Variants in TMEM217B observed in about 807,000 individuals in gnomAD.
The protein encoded by TMEM217B is transmembrane protein 217B.
the TMEM217B span, among the ~76,000 whole-genome samples, chr6:37,235,079 T>C: frequency 6.6e-6 from 1 of 152,124 alleles, no homozygotes; most frequent in Non-Finnish European, 1.5e-5. Flanking sequence ...AAGCTGGCAA[T>C]GTGGAAGGAC....
At chr6:37,224,437 A>G in the TMEM217B span, among the ~76,000 whole-genome samples, 1 of 151,280 alleles carries the variant, frequency 6.6e-6, no homozygotes, top group Non-Finnish European at 1.5e-5. Flanking sequence ...TCTCTACTAA[A>G]AATACAAAAA....
At chr6:37,242,008 A>ATTTT in the TMEM217B span, among the ~76,000 whole-genome samples, 1 of 130,034 alleles carries the variant, frequency 7.7e-6, no homozygotes, top group Non-Finnish European at 1.7e-5. Flanking sequence ...TTCGATCTCA[A>ATTTT]TTTTTTTTTT....
chr6:37,258,115 G>C, the TMEM217B span: 2 of 940,092 alleles, frequency 2.1e-6, no homozygotes, highest in Non-Finnish European at 3.1e-6. Flanking sequence ...CGGCAGGGCA[G>C]CTGTCAGGCA....
the TMEM217B span, among the ~76,000 whole-genome samples, chr6:37,241,800 T>G: frequency 1.3e-5 from 2 of 152,214 alleles, no homozygotes; most frequent in Non-Finnish European, 2.9e-5. Flanking sequence ...TATTTAAAAC[T>G]CCATTAACTT....
At chr6:37,217,494 A>G in the TMEM217B span, 1 of 378,258 alleles carries the variant, frequency 2.6e-6, no homozygotes, top group African/African-American at 2.2e-5. Context: ...TATATACACA[A>G]TGTTCAGTAC....
the TMEM217B span, among the ~76,000 whole-genome samples, chr6:37,247,904 T>C: frequency 6.6e-6 from 1 of 152,274 alleles, no homozygotes; most frequent in East Asian, 1.9e-4. Flanking sequence ...TTTTCCATAG[T>C]TCTCGGGAGA....
At chr6:37,213,971 T>C in the TMEM217B span, among the ~76,000 whole-genome samples, 4 of 152,298 alleles carry the variant, frequency 2.6e-5, no homozygotes, top group African/African-American at 9.6e-5. Context: ...GGGGGACAAC[T>C]TGTTGGAAGC....
the TMEM217B span, chr6:37,218,238 C>T: frequency 1.1e-5 from 15 of 1,325,230 alleles, no homozygotes; most frequent in Admixed American, 3.3e-5. Context: ...GGCGCAATCT[C>T]GGCTCACTGC....
chr6:37,253,073 C>G, the TMEM217B span, among the ~76,000 whole-genome samples: 2 of 152,066 alleles, frequency 1.3e-5, no homozygotes, highest in African/African-American at 4.8e-5. Context: ...TTGACAAAAC[C>G]CATATATTCT....
the TMEM217B span, among the ~76,000 whole-genome samples, chr6:37,242,918 A>G: frequency 1.3e-5 from 2 of 152,224 alleles, no homozygotes; most frequent in Admixed American, 1.3e-4. Flanking sequence ...GAAGTAAAAC[A>G]TTTCCCAGAA....
the TMEM217B span, among the ~76,000 whole-genome samples, chr6:37,229,008 A>C: frequency 6.6e-6 from 1 of 151,902 alleles, no homozygotes; most frequent in South Asian, 2.1e-4. Flanking sequence ...AAAAAAAAAC[A>C]AAAAACAAAA....
At chr6:37,217,645 A>C in the TMEM217B span, 1 of 985,322 alleles carries the variant, frequency 1.0e-6, no homozygotes, top group Non-Finnish European at 1.2e-6. Context: ...TGAAGGATGA[A>C]TTTTCTCTAT....
At chr6:37,224,291 A>T in the TMEM217B span, among the ~76,000 whole-genome samples, 1 of 151,396 alleles carries the variant, frequency 6.6e-6, no homozygotes, top group African/African-American at 2.4e-5. Flanking sequence ...TACCACATGC[A>T]GCTCATTAAA....
the TMEM217B span, chr6:37,212,482 CA>C: frequency 4.4e-6 from 2 of 455,356 alleles, no homozygotes; most frequent in East Asian, 6.9e-5. Flanking sequence ...AATGGTGGAG[CA>C]GAGCCTGTGG....
chr6:37,257,795 A>G, the TMEM217B span: 1 of 1,055,386 alleles, frequency 9.5e-7, no homozygotes, highest in Non-Finnish European at 1.4e-6. Flanking sequence ...CGTCCCCAGG[A>G]GCTGGGAGCG....
chr6:37,237,463 G>A, the TMEM217B span, among the ~76,000 whole-genome samples: 11 of 152,256 alleles, frequency 7.2e-5, no homozygotes, highest in East Asian at 1.3e-3. Context: ...AAGGCAAGTC[G>A]TTTGCAAGAA....
At chr6:37,212,574 C>A in the TMEM217B span, 1 of 467,556 alleles carries the variant, frequency 2.1e-6, no homozygotes, top group South Asian at 1.5e-5. Flanking sequence ...AGAAAAAGTG[C>A]AGGAGCATGT....
chr6:37,227,108 A>C, the TMEM217B span, among the ~76,000 whole-genome samples: 1 of 152,172 alleles, frequency 6.6e-6, no homozygotes, highest in Non-Finnish European at 1.5e-5. Flanking sequence ...AAACTGACTC[A>C]CTTGTCTTCA....
At chr6:37,243,941 C>T in the TMEM217B span, among the ~76,000 whole-genome samples, 125,272 of 152,118 alleles carry the variant, frequency 0.82, 52,222 homozygotes, top group South Asian at 0.91. Context: ...GTCAGCCAGT[C>T]CTCAGAAATG....
Sources: allele counts gnomAD v4.1 joint callset (sites outside exome capture counted in the v4.1 genomes callset), GRCh38; gene constraint gnomAD v4.1.1; transcripts MANE v1.5; gene names NCBI Gene and HGNC (gene_info 2026-07-23, HGNC 2026-07-21).